FZR1: variants seen among roughly 807,000 people sequenced by gnomAD.
The protein encoded by FZR1 is fizzy-related protein homolog.
A neutral mutation model predicts 63.6 loss-of-function variants in FZR1; 11 were observed. That is an observed-to-expected ratio of 0.17 (90% confidence interval 0.11 to 0.29). The LOEUF (loss-of-function observed/expected upper bound fraction) is 0.29, where lower values mean the gene tolerates loss of function less well. Ranked by LOEUF, FZR1 falls within the 10% of genes least tolerant of loss-of-function variation. The probability of loss-of-function intolerance (pLI) is 1.00; values close to 1 mark genes in which losing one functional copy is unlikely to be tolerated. For missense variants in FZR1, 440 were observed against 687.5 expected, an observed-to-expected ratio of 0.64 and a Z score of 4.03; for synonymous variants, 328 against 297.9, an observed-to-expected ratio of 1.10 and a Z score of -1.04.
In FZR1 at chr19:3,535,118, G is replaced by A. The variant is rs1025220820; in HGVS notation, c.*282G>A. 1.4e-4 allele frequency: 71 copies of A among 509,898 alleles called. No homozygotes were observed. Among genetic ancestry groups the A allele is most frequent in the Admixed American group, 2.9e-4 (9 of 30,654 alleles). 31.6% of individuals were successfully genotyped at this position (509,898 alleles called of 1,614,324 possible). A position where few individuals can be genotyped will look rare whatever the true frequency, so the allele number is the denominator to read the frequency against. Reference sequence around the variant, plus strand: ...ACATTGGACGGTCCCGGCTCAGACCGTCTGTACTCAGAGCGACGGATGCCC... The same window carrying A: ...ACATTGGACGGTCCCGGCTCAGACCATCTGTACTCAGAGCGACGGATGCCC... On this transcript the variant is annotated 3_prime_UTR_variant, in exon 14 of 14. Coordinates refer to ENST00000441788, the MANE Select transcript of FZR1 (RefSeq NM_016263.4).
chr19:3,514,135 A>G lies in FZR1; in HGVS notation c.-35+7661A>G, dbSNP rs2083042089. 6.6e-6 allele frequency among the ~76,000 whole-genome samples: 1 copy of G among 152,140 alleles called. No individual in the cohort carries two copies. Among genetic ancestry groups the G allele is most frequent in the East Asian group, 1.9e-4 (1 of 5,170 alleles). On this transcript the variant is annotated intron_variant, in intron 1 of 13. Coordinates refer to ENST00000441788, the MANE Select transcript of FZR1 (RefSeq NM_016263.4). This position sits in a 1 kb window ranked among gnomAD's most constrained non-coding sequence, Gnocchi z 4.2. ...TTCCCAGGCCCTGTCTACACGGCAG[A>G]CAGCCCCTCACGCTTTGCGTCCCCA...
In FZR1 at chr19:3,526,888, T is replaced by C. The variant is rs1198478890; in HGVS notation, c.388-92T>C. On this transcript the variant is annotated intron_variant, in intron 5 of 13. Coordinates refer to ENST00000441788, the MANE Select transcript of FZR1 (RefSeq NM_016263.4). The surrounding 1 kb of genome is among the most constrained non-coding windows in gnomAD (Gnocchi z 5.4). ...AGGGTCTCAGCACCTGCCTTAGGGC[T>C]ATGAGCTGTACCGGGAGCGTGGGCT... The C allele has an allele frequency of 5.7e-6, 5 of 877,350 alleles. No homozygotes were observed. In the African/African-American group the frequency reaches 6.5e-5, roughly 11 times the overall value. 54.3% of individuals were successfully genotyped at this position (877,350 alleles called of 1,614,324 possible). A position where few individuals can be genotyped will look rare whatever the true frequency, so the allele number is the denominator to read the frequency against.
intron 1 of FZR1, among the ~76,000 whole-genome samples, chr19:3,511,803 G>A (rs2083026382): frequency 6.6e-6 from 1 of 152,208 alleles, no homozygotes; most frequent in Non-Finnish European, 1.5e-5. Context: ...AAGGCACGCT[G>A]TCCCCTGCCA....
At chr19:3,528,847 A>G (rs1303809319) in intron 7 of FZR1, among the ~76,000 whole-genome samples, 1 of 129,268 alleles carries the variant, frequency 7.7e-6, no homozygotes, top group Non-Finnish European at 1.7e-5. Flanking sequence ...GAGAGAGTGG[A>G]TGGGTGAGTG....
In FZR1 at chr19:3,514,482, A is replaced by G. The variant is rs2083044838; in HGVS notation, c.-35+8008A>G. Among the ~76,000 whole-genome samples, 1 of 152,094 alleles carries G rather than the reference A, an allele frequency of 6.6e-6. No homozygotes were observed. Among genetic ancestry groups the G allele is most frequent in the Non-Finnish European group, 1.5e-5 (1 of 68,002 alleles). On this transcript the variant is annotated intron_variant, in intron 1 of 13. Transcript: ENST00000441788. This position sits in a 1 kb window ranked among gnomAD's most constrained non-coding sequence, Gnocchi z 4.2. ...CACGCCAGGGGCACCCCCAGTCATG[A>G]CAACCACAGATGTCCCCAGACATCA...
rs2083166119 is a variant in FZR1, at chr19:3,527,011, A to G, written c.419A>G (p.Asp140Gly). ...CTTAGCACCAAGCGCTCCAGCCCCG[A>G]TGACGGCAACGATGTGTCTCCCTAC... ...YSLSTKRSSPDDGNDVSPYSL... is the reference protein window; with the variant it reads ...YSLSTKRSSPGDGNDVSPYSL... The change falls in exon 6 of 14, where the codon GAT becomes GGT. Residue 140 changes from aspartate (D) to glycine (G), a missense_variant. This residue lies in a region of FZR1 where 200 missense variants were observed against 245.1 expected (regional missense o/e 0.82). Coordinates refer to ENST00000441788, the MANE Select transcript of FZR1 (RefSeq NM_016263.4). The G allele has an allele frequency of 6.2e-7, 1 of 1,612,714 alleles. No individual in the cohort carries two copies. Among genetic ancestry groups the G allele is most frequent in the Non-Finnish European group, 8.5e-7 (1 of 1,179,788 alleles).
intron 1 of FZR1, among the ~76,000 whole-genome samples, chr19:3,508,391 C>T (rs924908536): frequency 1.3e-5 from 2 of 152,084 alleles, no homozygotes; most frequent in African/African-American, 4.8e-5. Flanking sequence ...GACAGGTTTT[C>T]ACCATGTTGG....
chr19:3,512,878 G>T (rs1209435607), intron 1 of FZR1, among the ~76,000 whole-genome samples: 1 of 152,188 alleles, frequency 6.6e-6, no homozygotes, highest in Non-Finnish European at 1.5e-5. Context: ...TGGGCGCAGG[G>T]CAGGAGGCAA....
At chr19:3,509,525 A>T (rs1346537788) in intron 1 of FZR1, among the ~76,000 whole-genome samples, 3 of 152,222 alleles carry the variant, frequency 2.0e-5, no homozygotes, top group Non-Finnish European at 4.4e-5. Context: ...TAGAGCGTGC[A>T]GTTCCCTGGT....
intron 1 of FZR1, among the ~76,000 whole-genome samples, chr19:3,519,069 T>C (rs549531583): frequency 6.6e-6 from 1 of 152,230 alleles, no homozygotes; most frequent in South Asian, 2.1e-4. Flanking sequence ...GATGGGGCTG[T>C]CAGAAGTCAG....
intron 1 of FZR1, among the ~76,000 whole-genome samples, chr19:3,510,470 A>G (rs1451717323): frequency 2.0e-5 from 3 of 152,174 alleles, no homozygotes; most frequent in Non-Finnish European, 4.4e-5. Context: ...GGCCGTTCAG[A>G]TTCCTGTGCT....
At chr19:3,511,946 A>C (rs2083027333) in intron 1 of FZR1, among the ~76,000 whole-genome samples, 1 of 152,132 alleles carries the variant, frequency 6.6e-6, no homozygotes, top group Non-Finnish European at 1.5e-5. Context: ...TCTGTGCCTC[A>C]GTGGTCTCTC....
At chr19:3,531,347 T>C (rs897626093) in intron 8 of FZR1, among the ~76,000 whole-genome samples, 4 of 152,200 alleles carry the variant, frequency 2.6e-5, no homozygotes, top group Admixed American at 2.6e-4. Flanking sequence ...TAGGTTTTCA[T>C]GTGCCTCAAA....
chr19:3,523,161 G>A, intron 2 of FZR1, 103 bp downstream of exon 2: 1 of 794,970 alleles, frequency 1.3e-6, no homozygotes, highest in Non-Finnish European at 2.3e-6. Flanking sequence ...AAGCCCCACG[G>A]ACCACTCAGG....
intron 7 of FZR1, among the ~76,000 whole-genome samples, chr19:3,529,834 G>GGGAGAGT (rs2083218897): frequency 7.9e-6 from 1 of 127,118 alleles, no homozygotes; most frequent in Non-Finnish European, 1.7e-5. Flanking sequence ...GTGAGCGGAT[G>GGGAGAGT]GGTGAGCGGG....
In FZR1 at chr19:3,515,070, C is replaced by T. The variant is rs2083049329; in HGVS notation, c.-34-7886C>T. 6.6e-6 allele frequency among the ~76,000 whole-genome samples: 1 copy of T among 152,186 alleles called. No individual in the cohort carries two copies. Among genetic ancestry groups the T allele is most frequent in the South Asian group, 2.1e-4 (1 of 4,836 alleles). On this transcript the variant is annotated intron_variant, in intron 1 of 13. Transcript: ENST00000441788. This position sits in a 1 kb window ranked among gnomAD's most constrained non-coding sequence, Gnocchi z 4.6. ...CAGGGCCCGGGTCCACCACCCAGAC[C>T]AGGGCAACCAAGCTGCAGGTGTCGG...
chr19:3,523,168 C>A, intron 2 of FZR1, 110 bp downstream of exon 2: 1 of 773,528 alleles, frequency 1.3e-6, no homozygotes. Context: ...ACGGACCACT[C>A]AGGTCCCAGT....
Position 3,523,059 on chromosome 19 carries a change from G to A in FZR1, c.69+1G>A, listed in dbSNP as rs1317434607. 5 of 1,590,874 alleles carry A rather than the reference G, an allele frequency of 3.1e-6. No individual in the cohort carries two copies. The highest frequency in any genetic ancestry group is 4.3e-6 in the Non-Finnish European group (5 of 1,160,186). On this transcript the variant is annotated splice_donor_variant, in intron 2 of 13. Coordinates refer to ENST00000441788, the MANE Select transcript of FZR1 (RefSeq NM_016263.4). LOFTEE classifies it high-confidence loss of function. ...CCAGAATGAGAACACGATGCCACGC[G>A]TGAGTGCCCCCGCCCTGCCCACCAC...
chr19:3,528,855 G>A (rs541366930), intron 7 of FZR1, among the ~76,000 whole-genome samples: 1 of 133,758 alleles, frequency 7.5e-6, no homozygotes, highest in Non-Finnish European at 1.6e-5. Flanking sequence ...GGATGGGTGA[G>A]TGGATGAGAG....
Sources: gnomAD v4.1 joint callset for allele counts (sites outside exome capture counted in the v4.1 genomes callset) on GRCh38, gnomAD v4.1.1 for gene constraint, gnomAD v4.1.1 regional missense constraint, Gnocchi (gnomAD v3.1) non-coding constraint, MANE v1.5 for transcripts, NCBI Gene and HGNC (gene_info 2026-07-23, HGNC 2026-07-21) for gene names.